ANAPC16: variants seen among roughly 807,000 people sequenced by gnomAD.
ANAPC16 encodes anaphase promoting complex subunit 16.
Under a neutral mutation model 13.1 loss-of-function variants are expected in ANAPC16, and 6 were observed. That is an observed-to-expected ratio of 0.46 (90% CI 0.25 to 0.90). The LOEUF (loss-of-function observed/expected upper bound fraction) is 0.90. ANAPC16 is among the 40% of genes least tolerant of loss of function. The pLI is 0.18. For missense variants in ANAPC16, 113 were observed against 131.1 expected, an observed-to-expected ratio of 0.86 and a Z score of 0.67; for synonymous variants, 55 against 51.3, an observed-to-expected ratio of 1.07 and a Z score of -0.31.
At position 72,233,243 on chromosome 10, in the gene ANAPC16, G is replaced by C. The variant is rs1317837276; in HGVS notation, c.*127G>C. The stretch of plus-strand genomic sequence containing the variant: ...GAATTGTTAATGCACATTTGTACTT[G>C]GTTTCTCTGTATCTATTCACAGGCA... On this transcript the variant is annotated 3_prime_UTR_variant, in exon 4 of 4. Coordinates refer to ENST00000299381, the MANE Select transcript of ANAPC16 (RefSeq NM_173473.4). The C allele has an allele frequency of 3.1e-6, 2 of 655,614 alleles. No homozygotes were observed. Among genetic ancestry groups the C allele is most frequent in the Non-Finnish European group, 5.3e-6 (2 of 374,904 alleles). The allele number at this position is 655,614 out of a possible 1,614,324, so 40.6% of individuals were successfully genotyped here. A position where few individuals can be genotyped will look rare whatever the true frequency, so the allele number is the denominator to read the frequency against.
At chr10:72,222,115 G>A (rs1458201094) in intron 1 of ANAPC16, among the ~76,000 whole-genome samples, 1 of 151,430 alleles carries the variant, frequency 6.6e-6, no homozygotes, top group Non-Finnish European at 1.5e-5. Context: ...AATCACTTGA[G>A]ACCAGGAGTT....
At chr10:72,231,324 G>A (rs1182509151) in intron 3 of ANAPC16, among the ~76,000 whole-genome samples, 2 of 152,102 alleles carry the variant, frequency 1.3e-5, no homozygotes, top group Non-Finnish European at 2.9e-5. Context: ...GACTGCTTGA[G>A]CCCAGGAGTT....
chr10:72,232,747 G>A (rs998297816), intron 3 of ANAPC16, among the ~76,000 whole-genome samples: 1 of 151,664 alleles, frequency 6.6e-6, no homozygotes, highest in Non-Finnish European at 1.5e-5. Context: ...GGGACTACAG[G>A]CGCATGCCAC....
rs990211806 is a variant in ANAPC16, at chr10:72,233,783, G to A, written c.*667G>A. On this transcript the variant is annotated 3_prime_UTR_variant, in exon 4 of 4. Coordinates refer to ENST00000299381, the MANE Select transcript of ANAPC16 (RefSeq NM_173473.4). The stretch of plus-strand genomic sequence containing the variant: ...AAATCCTGAGTTCTTCTCATTGGTG[G>A]ACTCAAGCAATTCTGTAGCAAATAA... 2.6e-5 allele frequency: 4 copies of A among 152,528 alleles called. No individual in the cohort carries two copies. Among genetic ancestry groups the A allele is most frequent in the African/African-American group, 9.7e-5 (4 of 41,436 alleles). 9.4% of individuals were successfully genotyped at this position (152,528 alleles called of 1,614,324 possible).
At chr10:72,230,588 T>C in intron 3 of ANAPC16, 148 bp downstream of exon 3, 1 of 676,900 alleles carries the variant, frequency 1.5e-6, no homozygotes, top group Non-Finnish European at 2.5e-6. Context: ...CTAGTCATAA[T>C]GTCCACATTG....
intron 2 of ANAPC16, 83 bp from the exon 3 acceptor site, chr10:72,230,283 A>C: frequency 9.4e-7 from 1 of 1,061,350 alleles, no homozygotes; most frequent in East Asian, 2.4e-5. Context: ...CAAGCAGGGA[A>C]AAGAATAGAC....
intron 3 of ANAPC16, 117 bp downstream of exon 3, chr10:72,230,557 A>C: frequency 1.2e-6 from 1 of 839,918 alleles, no homozygotes; most frequent in East Asian, 2.6e-5. Context: ...TCCTAAATTA[A>C]AGAACATTCT....
Position 72,220,640 on chromosome 10 carries a change from G to A in ANAPC16, c.-27-3248G>A, listed in dbSNP as rs556542783. ...CCGCTGCACTTCAGCCTGGGTGACA[G>A]AGCGAGAGCCTGCCTCAAAAAACAA... is the stretch of plus-strand genomic sequence containing the variant. On this transcript the variant is annotated intron_variant, in intron 1 of 3. Transcript: ENST00000299381. 2.7e-5 allele frequency: 4 copies of A among 148,966 alleles called. No individual in the cohort carries two copies. In the South Asian group the frequency reaches 8.5e-4, roughly 32 times the overall value. 9.2% of individuals were successfully genotyped at this position (148,966 alleles called of 1,614,324 possible). A position where few individuals can be genotyped will look rare whatever the true frequency, so the allele number is the denominator to read the frequency against.
intron 1 of ANAPC16, among the ~76,000 whole-genome samples, chr10:72,222,076 A>G (rs1859957229): frequency 2.7e-5 from 4 of 150,906 alleles, no homozygotes; most frequent in African/African-American, 9.7e-5. Flanking sequence ...GGCTGAGCGC[A>G]GTGAGACTTT....
intron 1 of ANAPC16, chr10:72,216,930 T>G (rs540857481): frequency 2.2e-6 from 1 of 456,232 alleles, no homozygotes; most frequent in African/African-American, 2.0e-5. Context: ...GTTGTGCGAA[T>G]AGATCTGCAC....
intron 1 of ANAPC16, among the ~76,000 whole-genome samples, chr10:72,219,605 C>T (rs939927860): frequency 1.3e-5 from 2 of 152,208 alleles, no homozygotes; most frequent in Middle Eastern, 3.4e-3. Context: ...GGTGTTCTGG[C>T]ACGTGCCTGT....
intron 1 of ANAPC16, 33 bp from the exon 2 acceptor site, chr10:72,223,855 A>G: frequency 6.9e-7 from 1 of 1,455,424 alleles, no homozygotes; most frequent in Non-Finnish European, 9.3e-7. Context: ...CACTTCCATA[A>G]ACTTGCCAAT....
Position 72,230,343 on chromosome 10 carries a change from ACCTTTTCT to A in ANAPC16, c.143-16_143-9del. The A allele has an allele frequency of 3.1e-6, 5 of 1,605,888 alleles. No individual in the cohort carries two copies. The highest frequency in any genetic ancestry group is 4.3e-6 in the Non-Finnish European group (5 of 1,172,948). On this transcript the variant is annotated splice_polypyrimidine_tract_variant and intron_variant, in intron 2 of 3. Transcript: ENST00000299381. ...CATAAAACCTTTAGAGCAGATTAAA[ACCTTTTCT>A]CCTTTTGTTTGTAGATGGCTCTGAG... is the stretch of plus-strand genomic sequence containing the variant.
At chr10:72,226,297 G>A (rs564477035) in intron 2 of ANAPC16, among the ~76,000 whole-genome samples, 1 of 151,916 alleles carries the variant, frequency 6.6e-6, no homozygotes, top group Non-Finnish European at 1.5e-5. Context: ...ATGATTACAG[G>A]CATGAACCAC....
chr10:72,220,861 AAAAAC>A (rs1337863752), intron 1 of ANAPC16: 1 of 151,884 alleles, frequency 6.6e-6, no homozygotes, highest in Non-Finnish European at 1.5e-5. Context: ...AAAAAAAAAA[AAAAAC>A]TCAGCTAAAA....
At chr10:72,220,381 TG>T (rs925941801) in intron 1 of ANAPC16, 1 of 143,588 alleles carries the variant, frequency 7.0e-6, no homozygotes, top group African/African-American at 2.7e-5. Context: ...CCAGGCATGG[TG>T]GGTCACACCT....
At chr10:72,224,819 A>C (rs1209021057) in intron 2 of ANAPC16, among the ~76,000 whole-genome samples, 1 of 152,160 alleles carries the variant, frequency 6.6e-6, no homozygotes, top group Non-Finnish European at 1.5e-5. Context: ...CTTTTGTGTG[A>C]ACATGACTCC....
intron 1 of ANAPC16, among the ~76,000 whole-genome samples, chr10:72,216,501 A>G (rs1020821451): frequency 3.5e-4 from 13 of 37,554 alleles, no homozygotes; most frequent in African/African-American, 1.3e-3. Context: ...CCCCCGTTAC[A>G]GCTGCGGCAT....
At position 72,233,476 on chromosome 10, in the gene ANAPC16, A is replaced by G. The variant is rs748140547; in HGVS notation, c.*360A>G. 1.1e-5 allele frequency: 2 copies of G among 177,548 alleles called. No individual in the cohort carries two copies. The highest frequency in any genetic ancestry group is 1.2e-5 in the Non-Finnish European group (1 of 83,672). 11.0% of individuals were successfully genotyped at this position (177,548 alleles called of 1,614,324 possible). ...CCTGTCATCCATATGGTGCCTGGAA[A>G]TATTTACCAGTCAAGGTCAAGGTCA... On this transcript the variant is annotated 3_prime_UTR_variant, in exon 4 of 4. Coordinates refer to ENST00000299381, the MANE Select transcript of ANAPC16 (RefSeq NM_173473.4).
Sources: allele counts gnomAD v4.1 joint callset (sites outside exome capture counted in the v4.1 genomes callset), GRCh38; gene constraint gnomAD v4.1.1; transcripts MANE v1.5; gene names NCBI Gene and HGNC (gene_info 2026-07-23, HGNC 2026-07-21).